Variants in THSD7B observed in about 807,000 individuals in gnomAD.
THSD7B encodes the protein thrombospondin type-1 domain-containing protein 7B.
Under a neutral mutation model 213.6 loss-of-function variants are expected in THSD7B, and 138 were observed. The ratio of observed to expected loss-of-function variants is 0.65; its 90% CI spans 0.56 to 0.74. The LOEUF is 0.74. THSD7B is among the 30% of genes least tolerant of loss of function. The pLI is 0.00. For synonymous variants in THSD7B, 742 were observed against 687.0 expected, an observed-to-expected ratio of 1.08 and a Z score of -1.25; for missense variants, 1,931 against 1,991.5, an observed-to-expected ratio of 0.97 and a Z score of 0.58.
intron 3 of THSD7B, among the ~76,000 whole-genome samples, chr2:137,077,607 G>C (rs1687657408): frequency 6.6e-6 from 1 of 152,110 alleles, no homozygotes; most frequent in African/African-American, 2.4e-5. Context: ...TGTGTCTTTT[G>C]CTGCATAAAT....
intron 2 of THSD7B, among the ~76,000 whole-genome samples, chr2:136,887,057 C>T (rs1350593194): frequency 1.3e-5 from 2 of 152,098 alleles, no homozygotes; most frequent in East Asian, 1.9e-4. Context: ...AGGACTGAAA[C>T]GATGTTAAAG....
chr2:137,540,595 T>C (rs1003310752), intron 15 of THSD7B, among the ~76,000 whole-genome samples: 2 of 151,718 alleles, frequency 1.3e-5, no homozygotes, highest in Non-Finnish European at 3.0e-5. Flanking sequence ...TTGTTTGAAC[T>C]GTCCAGTGTT....
intron 5 of THSD7B, among the ~76,000 whole-genome samples, chr2:137,137,411 GT>G (rs1679487299): frequency 6.6e-6 from 1 of 152,116 alleles, no homozygotes; most frequent in Admixed American, 6.5e-5. Flanking sequence ...GCATAACCAT[GT>G]TTCGGTCAAT....
intron 15 of THSD7B, among the ~76,000 whole-genome samples, chr2:137,488,427 G>T (rs4954378): frequency 0.41 from 62,032 of 151,862 alleles, 13,843 homozygotes; most frequent in East Asian, 0.63. Context: ...ATGAGAAAAG[G>T]CACTTTGAGT....
chr2:137,597,427 G>T (rs770367066), intron 17 of THSD7B, among the ~76,000 whole-genome samples: 2 of 151,124 alleles, frequency 1.3e-5, no homozygotes, highest in African/African-American at 4.9e-5. Flanking sequence ...AATCCAAGAC[G>T]GTCCAATGGG....
chr2:136,885,897 G>A (rs10194643), intron 2 of THSD7B, among the ~76,000 whole-genome samples: 130,819 of 152,112 alleles, frequency 0.86, 56,632 homozygotes, highest in Non-Finnish European at 0.91. Context: ...GGAGGGATAT[G>A]CAGTGGGAGC....
intron 5 of THSD7B, among the ~76,000 whole-genome samples, chr2:137,122,072 G>A (rs753952957): frequency 6.6e-6 from 1 of 152,202 alleles, no homozygotes; most frequent in Non-Finnish European, 1.5e-5. Context: ...GGGCCAGAGA[G>A]ATTGGCCTGG....
intron 12 of THSD7B, among the ~76,000 whole-genome samples, chr2:137,374,885 T>G (rs1052775779): frequency 6.6e-6 from 1 of 152,164 alleles, no homozygotes; most frequent in Non-Finnish European, 1.5e-5. Flanking sequence ...GAGTGGGTCA[T>G]GCAGCTATCA....
chr2:137,032,949 A>G (rs1402826329), intron 2 of THSD7B, among the ~76,000 whole-genome samples: 1 of 152,170 alleles, frequency 6.6e-6, no homozygotes, highest in African/African-American at 2.4e-5. Context: ...TGTATTTTTA[A>G]TGGCCACTTC....
At chr2:137,393,568 C>T (rs1397847793) in intron 12 of THSD7B, among the ~76,000 whole-genome samples, 1 of 148,246 alleles carries the variant, frequency 6.7e-6, no homozygotes, top group Non-Finnish European at 1.5e-5. Flanking sequence ...CATTGTTGGA[C>T]ATTTGGGTTG....
intron 16 of THSD7B, among the ~76,000 whole-genome samples, chr2:137,566,145 C>A (rs1292762437): frequency 1.3e-5 from 2 of 152,158 alleles, no homozygotes; most frequent in Non-Finnish European, 2.9e-5. Flanking sequence ...TTATCCATGA[C>A]TAGAATCAAT....
Position 137,389,967 on chromosome 2 carries a change from T to A in THSD7B, c.2501-15646T>A, listed in dbSNP as rs367974512. 9.2e-5 allele frequency among the ~76,000 whole-genome samples: 14 copies of A among 152,338 alleles called. No homozygotes were observed. In the South Asian group the frequency reaches 2.9e-3, roughly 32 times the overall value. On this transcript the variant is annotated intron_variant, in intron 12 of 27. Coordinates refer to ENST00000409968, the MANE Select transcript of THSD7B (RefSeq NM_001316349.2). ...ACCAATGAGATGATGTTTGGGGTTT[T>A]GAAGTCAGGTAGTGCGATGCCTCCA...
At chr2:137,575,398 C>A (rs1255875422) in intron 17 of THSD7B, among the ~76,000 whole-genome samples, 1 of 151,894 alleles carries the variant, frequency 6.6e-6, no homozygotes, top group Non-Finnish European at 1.5e-5. Flanking sequence ...ATTACTTGAT[C>A]TTTTAGAAAT....
chr2:137,365,795 A>T (rs1685393596), intron 12 of THSD7B, among the ~76,000 whole-genome samples: 1 of 152,194 alleles, frequency 6.6e-6, no homozygotes, highest in Admixed American at 6.5e-5. Flanking sequence ...TGTTGGTGGG[A>T]CTGTAAACTA....
intron 2 of THSD7B, among the ~76,000 whole-genome samples, chr2:136,915,424 A>C (rs997236694): frequency 5.3e-5 from 8 of 152,208 alleles, no homozygotes; most frequent in Non-Finnish European, 1.0e-4. Flanking sequence ...AGTATCACAG[A>C]GTTTTTAGGA....
At chr2:137,569,926 C>G (rs1020857933) in intron 16 of THSD7B, among the ~76,000 whole-genome samples, 6 of 151,860 alleles carry the variant, frequency 4.0e-5, no homozygotes, top group South Asian at 2.1e-4. Flanking sequence ...GAAGTCTTCC[C>G]TCTTCTTTTT....
At chr2:137,504,070 GA>G (rs1319008590) in intron 15 of THSD7B, among the ~76,000 whole-genome samples, 1 of 150,894 alleles carries the variant, frequency 6.6e-6, no homozygotes, top group Non-Finnish European at 1.5e-5. Context: ...AAGGAAAAGA[GA>G]GAGAAAGTGA....
At chr2:137,458,840 T>A (rs985608555) in intron 15 of THSD7B, among the ~76,000 whole-genome samples, 6 of 152,170 alleles carry the variant, frequency 3.9e-5, no homozygotes, top group African/African-American at 1.4e-4. Context: ...CTCCATAAAC[T>A]TTTCATAAAG....
rs561402456 is a variant in THSD7B at position 137,446,995 on chromosome 2, G to A, written c.2960-3850G>A. On this transcript the variant is annotated intron_variant, in intron 14 of 27. Coordinates refer to ENST00000409968, the MANE Select transcript of THSD7B (RefSeq NM_001316349.2). ...AGTGTGTGGTAAAACTTATCCATTC[G>A]AATATGAGATAGGTATAAGAATATG... 3.9e-5 allele frequency among the ~76,000 whole-genome samples: 6 copies of A among 152,078 alleles called. No homozygotes were observed. In the East Asian group the frequency reaches 7.7e-4, roughly 20 times the overall value.
Sources: allele counts gnomAD v4.1 joint callset (sites outside exome capture counted in the v4.1 genomes callset), GRCh38; gene constraint gnomAD v4.1.1; transcripts MANE v1.5; gene names NCBI Gene and HGNC (gene_info 2026-07-23, HGNC 2026-07-21).